The following DOCK9 variants were observed in gnomAD, a reference collection of about 807,000 sequenced individuals.
The protein encoded by DOCK9 is dedicator of cytokinesis protein 9.
A neutral mutation model predicts 263.3 loss-of-function variants in DOCK9; 89 were observed. The observed-to-expected ratio is 0.34, with a 90% CI of 0.28 to 0.40. The LOEUF is 0.40. Among genes scored for constraint, DOCK9 ranks in the 10% least tolerant of loss-of-function variants. The pLI is 1.00. For synonymous variants in DOCK9, 976 were observed against 973.1 expected, an observed-to-expected ratio of 1.00 and a Z score of -0.06; for missense variants, 2,140 against 2,603.4, an observed-to-expected ratio of 0.82 and a Z score of 3.87.
At chr13:98,988,247 A>G (rs1204402102) in intron 1 of DOCK9, among the ~76,000 whole-genome samples, 2 of 152,224 alleles carry the variant, frequency 1.3e-5, no homozygotes, top group African/African-American at 4.8e-5. Context: ...CAAAATATAC[A>G]AGAGCACTAA....
intron 9 of DOCK9, among the ~76,000 whole-genome samples, chr13:98,908,266 T>C (rs2049418514): frequency 6.6e-6 from 1 of 152,228 alleles, no homozygotes; most frequent in South Asian, 2.1e-4. Context: ...CTGGTGAAGA[T>C]GCAGAGAAAC....
At chr13:98,860,341 T>C in intron 33 of DOCK9, 64 bp downstream of exon 33, 3 of 1,549,698 alleles carry the variant, frequency 1.9e-6, no homozygotes, top group Non-Finnish European at 2.6e-6. Flanking sequence ...GTTCACCAAC[T>C]ATTGGCTCCA....
At chr13:98,809,841 G>A (rs374983231) in intron 46 of DOCK9, among the ~76,000 whole-genome samples, 5 of 152,300 alleles carry the variant, frequency 3.3e-5, no homozygotes, top group African/African-American at 1.2e-4. Context: ...ATTTTTTCAC[G>A]CAGGTGGAGT....
chr13:98,838,345 G>C (rs2093084854), intron 38 of DOCK9, among the ~76,000 whole-genome samples: 1 of 152,236 alleles, frequency 6.6e-6, no homozygotes, highest in Non-Finnish European at 1.5e-5. Context: ...TCTTGGAACA[G>C]TGCCTGGCAC....
chr13:98,846,110 T>C, intron 37 of DOCK9, 50 bp from the exon 38 acceptor site: 3 of 1,543,980 alleles, frequency 1.9e-6, no homozygotes, highest in Non-Finnish European at 2.6e-6. Context: ...CGTGTTACAC[T>C]GCAGCGAGAC....
chr13:98,976,176 C>T (rs4772165), intron 1 of DOCK9, among the ~76,000 whole-genome samples: 54,028 of 152,050 alleles, frequency 0.36, 9,966 homozygotes, highest in South Asian at 0.49. Flanking sequence ...TCTGCAGGTG[C>T]GCAGAGCTGA....
intron 1 of DOCK9, among the ~76,000 whole-genome samples, chr13:99,063,055 G>A (rs573953711): frequency 2.0e-5 from 3 of 152,320 alleles, no homozygotes; most frequent in East Asian, 3.9e-4. Flanking sequence ...GAAGGTTCAC[G>A]ACTCAGAATA....
intron 1 of DOCK9, among the ~76,000 whole-genome samples, chr13:99,049,019 T>A (rs1253416239): frequency 1.3e-5 from 2 of 152,238 alleles, no homozygotes; most frequent in Non-Finnish European, 2.9e-5. Context: ...ATTTTCTGTA[T>A]GGCTAAGAAT....
At chr13:98,980,725 C>T (rs796933108), upstream of DOCK9, among the ~76,000 whole-genome samples, 6 of 152,316 alleles carry the variant, frequency 3.9e-5, no homozygotes, top group African/African-American at 1.4e-4. Context: ...GACAATTCCA[C>T]CAACCGTGTT....
At chr13:98,887,420 T>G (rs1266468017) in intron 18 of DOCK9, among the ~76,000 whole-genome samples, 1 of 150,490 alleles carries the variant, frequency 6.6e-6, no homozygotes, top group Non-Finnish European at 1.5e-5. Context: ...ATCGAGACCA[T>G]CCTGGCTAAC....
Position 98,804,840 on chromosome 13 carries a change from T to C in DOCK9, c.5725+159A>G, listed in dbSNP as rs538842602. ...GATCAACAGAAAAACATCCCAAGTATTCAAAAGGAAGCACTAGATAAATGT... is the reference window on the plus strand; with the variant it reads ...GATCAACAGAAAAACATCCCAAGTACTCAAAAGGAAGCACTAGATAAATGT... On this transcript the variant is annotated intron_variant, in intron 49 of 52. Transcript: ENST00000682017. Among the ~76,000 whole-genome samples the C allele has an allele frequency of 2.0e-4, 31 of 152,296 alleles. No homozygotes were observed. The East Asian group carries it at 5.6e-3, about 27-fold the overall frequency.
intron 13 of DOCK9, among the ~76,000 whole-genome samples, chr13:98,898,717 C>T (rs145557297): frequency 6.6e-6 from 1 of 152,260 alleles, no homozygotes; most frequent in African/African-American, 2.4e-5. Context: ...TATGCTGATT[C>T]CCACAATATA....
chr13:98,847,336 A>G (rs2093422241), intron 37 of DOCK9: 1 of 152,324 alleles, frequency 6.6e-6, no homozygotes, highest in African/African-American at 2.4e-5. Context: ...AAGTCAAGGT[A>G]GAAGACGTTG....
intron 1 of DOCK9, among the ~76,000 whole-genome samples, chr13:99,044,058 C>G (rs1888729314): frequency 6.6e-6 from 1 of 152,312 alleles, no homozygotes; most frequent in Admixed American, 6.5e-5. Flanking sequence ...ATTTATATGA[C>G]AGATTAGCTC....
rs1444283578 is a variant in DOCK9 at position 98,915,508 on chromosome 13, AATGAAAAAAGG to A, written c.718-16_718-6del. On this transcript the variant is annotated splice_polypyrimidine_tract_variant and splice_region_variant and intron_variant, in intron 7 of 52. Coordinates refer to ENST00000682017, the MANE Select transcript of DOCK9 (RefSeq NM_001366683.2). ...AAAACGCCTGACTTTGTTGTTCTGAAATGAAAAAAGGATAAACAGACATACTTTAAAAGAAT... is the reference window on the plus strand; with the variant it reads ...AAAACGCCTGACTTTGTTGTTCTGAAATAAACAGACATACTTTAAAAGAAT... 6.2e-7 allele frequency: 1 copy of A among 1,608,184 alleles called. No homozygotes were observed. The highest frequency in any genetic ancestry group is 1.7e-5 in the Admixed American group (1 of 58,552).
chr13:99,037,612 A>G (rs2142102439), intron 1 of DOCK9, among the ~76,000 whole-genome samples: 1 of 152,372 alleles, frequency 6.6e-6, no homozygotes, highest in South Asian at 2.1e-4. Context: ...CTGCTATTAT[A>G]GATATTTACC....
chr13:98,840,581 G>A (rs960412320), intron 38 of DOCK9, among the ~76,000 whole-genome samples: 5 of 152,126 alleles, frequency 3.3e-5, no homozygotes, highest in African/African-American at 9.7e-5. Flanking sequence ...ACAAACTCAC[G>A]TTACCTGCAT....
chr13:99,050,507 C>T (rs564020155), intron 1 of DOCK9, among the ~76,000 whole-genome samples: 4 of 152,106 alleles, frequency 2.6e-5, no homozygotes, highest in Admixed American at 6.6e-5. Context: ...GCCTGGCCAA[C>T]GTAGTGAAAC....
chr13:98,926,935 T>C (rs1351304986), intron 3 of DOCK9, among the ~76,000 whole-genome samples: 3 of 147,726 alleles, frequency 2.0e-5, no homozygotes, highest in African/African-American at 7.3e-5. Context: ...AACCTTTCTA[T>C]CTGTGTCACA....
Sources: gnomAD v4.1 joint callset for allele counts (sites outside exome capture counted in the v4.1 genomes callset) on GRCh38, gnomAD v4.1.1 for gene constraint, MANE v1.5 for transcripts, NCBI Gene and HGNC (gene_info 2026-07-23, HGNC 2026-07-21) for gene names.